DLG2: variants seen among roughly 807,000 people sequenced by gnomAD.
DLG2 encodes disks large homolog 2.
A neutral mutation model predicts 132.5 loss-of-function variants in DLG2; 45 were observed. The observed-to-expected ratio is 0.34, with a 90% CI of 0.27 to 0.44. The LOEUF (loss-of-function observed/expected upper bound fraction) is 0.44, where lower values mean the gene tolerates loss of function less well. Ranked by LOEUF, DLG2 falls within the 20% of genes least tolerant of loss-of-function variation. DLG2 has a pLI of 1.00. For missense variants in DLG2, 1,045 were observed against 1,196.9 expected, an observed-to-expected ratio of 0.87 and a Z score of 1.87; for synonymous variants, 424 against 419.6, an observed-to-expected ratio of 1.01 and a Z score of -0.13.
At chr11:84,420,650 CTTTTTTTTTTTTTTTTTTTT>C (rs768420271) in intron 7 of DLG2, among the ~76,000 whole-genome samples, 29 of 42,236 alleles carry the variant, frequency 6.9e-4, no homozygotes, top group Non-Finnish European at 1.2e-3. Flanking sequence ...TGCTTGTTTT[CTTTTTTTTTTTTTTTTTTTT>C]TTTTTTTTTT....
intron 3 of DLG2, among the ~76,000 whole-genome samples, chr11:85,449,491 T>C (rs916232823): frequency 6.6e-6 from 1 of 152,084 alleles, no homozygotes; most frequent in African/African-American, 2.4e-5. Flanking sequence ...TTGTAATTTT[T>C]ATTTCCTATT....
chr11:84,831,879 G>A (rs1239215916), intron 6 of DLG2, among the ~76,000 whole-genome samples: 3 of 151,608 alleles, frequency 2.0e-5, no homozygotes, highest in South Asian at 2.1e-4. Flanking sequence ...ATACAGTGAC[G>A]ACCTGCTCTC....
At chr11:84,808,129 A>C (rs2076197365) in intron 6 of DLG2, among the ~76,000 whole-genome samples, 1 of 152,140 alleles carries the variant, frequency 6.6e-6, no homozygotes, top group African/African-American at 2.4e-5. Flanking sequence ...AATAACTTAA[A>C]TCATAGAGAG....
rs562432607 is a variant in DLG2, at chr11:83,966,991, T to C, written c.1057-1523A>G. ...CACATATAAGTGAGATCATGCAATA[T>C]TGTTCCTTCTGTTCTGGCTTACTTC... On this transcript the variant is annotated intron_variant, in intron 12 of 27. Coordinates refer to ENST00000376104, the MANE Select transcript of DLG2 (RefSeq NM_001142699.3). Among the ~76,000 whole-genome samples, 3 of 152,230 alleles carry C rather than the reference T, an allele frequency of 2.0e-5. No individual in the cohort carries two copies. In the South Asian group the frequency reaches 6.2e-4, roughly 32 times the overall value.
At chr11:84,923,128 T>C in intron 6 of DLG2, 14 of 1,613,560 alleles carry the variant, frequency 8.7e-6, no homozygotes, top group South Asian at 1.1e-5. Context: ...TTGCAGTAAA[T>C]AAGGAGCATA....
chr11:83,794,693 T>G (rs973004547), intron 17 of DLG2, among the ~76,000 whole-genome samples: 1 of 152,126 alleles, frequency 6.6e-6, no homozygotes, highest in Non-Finnish European at 1.5e-5. Flanking sequence ...GGTGGGATTA[T>G]TTTTCCCATT....
intron 6 of DLG2, chr11:84,640,014 C>A: frequency 3.9e-6 from 1 of 259,662 alleles, no homozygotes; most frequent in Admixed American, 4.6e-5. Flanking sequence ...TCTCAGCAAT[C>A]AGACTGTCGG....
intron 19 of DLG2, among the ~76,000 whole-genome samples, chr11:83,583,544 A>G (rs890103045): frequency 2.0e-5 from 3 of 152,214 alleles, no homozygotes; most frequent in Non-Finnish European, 4.4e-5. Flanking sequence ...ATAATATGGA[A>G]GATTTGGAGT....
intron 6 of DLG2, among the ~76,000 whole-genome samples, chr11:84,650,464 A>G (rs2099680145): frequency 6.6e-6 from 1 of 152,188 alleles, no homozygotes; most frequent in Admixed American, 6.5e-5. Flanking sequence ...ATCATTATTT[A>G]CAGTTAAAAG....
rs116010041 is a variant in DLG2 at position 84,494,947 on chromosome 11, C to T, written c.519+39623G>A. ...CATTCTCAAATTATTTAGCTTTTCA[C>T]ATTTTTCTCTTATCACTTTCCTGTG... On this transcript the variant is annotated intron_variant, in intron 7 of 27. Transcript: ENST00000376104. 8.6e-4 allele frequency among the ~76,000 whole-genome samples: 131 copies of T among 152,240 alleles called. 1 individual carries two copies. Among genetic ancestry groups the T allele is most frequent in the African/African-American group, 3.0e-3 (123 of 41,546 alleles).
chr11:84,822,074 A>C (rs1401437186), intron 6 of DLG2, among the ~76,000 whole-genome samples: 1 of 150,378 alleles, frequency 6.6e-6, no homozygotes, highest in Non-Finnish European at 1.5e-5. Flanking sequence ...AGAGAAAGCC[A>C]TTTTGGTAAA....
chr11:85,013,549 A>T (rs1377520197), intron 6 of DLG2, among the ~76,000 whole-genome samples: 1 of 152,208 alleles, frequency 6.6e-6, no homozygotes, highest in African/African-American at 2.4e-5. Context: ...AGGAGAAAAC[A>T]AATTATCAGC....
At chr11:85,291,723 T>G (rs1457140926) in intron 3 of DLG2, among the ~76,000 whole-genome samples, 2 of 151,990 alleles carry the variant, frequency 1.3e-5, no homozygotes, top group Non-Finnish European at 2.9e-5. Context: ...TAGCTGGAAT[T>G]ACAGGTGCCC....
At chr11:85,313,566 G>A (rs1473005872) in intron 3 of DLG2, among the ~76,000 whole-genome samples, 1 of 151,948 alleles carries the variant, frequency 6.6e-6, no homozygotes, top group South Asian at 2.1e-4. Context: ...TAGTCAAAGT[G>A]TTTACAATTG....
chr11:84,425,070 G>A (rs1467138209), intron 7 of DLG2, among the ~76,000 whole-genome samples: 1 of 151,988 alleles, frequency 6.6e-6, no homozygotes, highest in Non-Finnish European at 1.5e-5. Flanking sequence ...ACCATAGCTG[G>A]ATCATTTCTG....
At chr11:83,896,990 T>C (rs1220107919) in intron 15 of DLG2, among the ~76,000 whole-genome samples, 1 of 152,202 alleles carries the variant, frequency 6.6e-6, no homozygotes, top group Non-Finnish European at 1.5e-5. Context: ...TATAAAAGTT[T>C]TCATCTGATT....
At chr11:84,717,569 T>A (rs980152372) in intron 6 of DLG2, among the ~76,000 whole-genome samples, 3 of 152,074 alleles carry the variant, frequency 2.0e-5, no homozygotes, top group Non-Finnish European at 4.4e-5. Flanking sequence ...ATAAATGTAC[T>A]TCATTTTATG....
chr11:83,520,356 A>G (rs1166281540), intron 21 of DLG2, among the ~76,000 whole-genome samples: 2 of 152,212 alleles, frequency 1.3e-5, no homozygotes, highest in Non-Finnish European at 2.9e-5. Context: ...GATGTTTCTC[A>G]TAGCTTCCCC....
At chr11:83,687,508 G>T (rs1421662056) in intron 18 of DLG2, among the ~76,000 whole-genome samples, 1 of 152,094 alleles carries the variant, frequency 6.6e-6, no homozygotes, top group Non-Finnish European at 1.5e-5. Context: ...GAGCTAAAAT[G>T]ACCTTCTTTT....
Sources: gnomAD v4.1 joint callset for allele counts (sites outside exome capture counted in the v4.1 genomes callset) on GRCh38, gnomAD v4.1.1 for gene constraint, MANE v1.5 for transcripts, NCBI Gene and HGNC (gene_info 2026-07-23, HGNC 2026-07-21) for gene names.